The following POLK variants were observed in gnomAD, a reference collection of about 807,000 sequenced individuals.
The protein encoded by POLK is polymerase (DNA directed) kappa.
A neutral mutation model predicts 94.0 loss-of-function variants in POLK; 76 were observed. That is an observed-to-expected ratio of 0.81 (90% confidence interval 0.67 to 0.98). POLK has a LOEUF of 0.98. Among genes scored for constraint, POLK ranks in the 50% least tolerant of loss-of-function variants. The pLI is 0.00. For synonymous variants in POLK, 349 were observed against 325.4 expected (o/e 1.07, Z -0.78); for missense variants, 954 against 1,010.1 (o/e 0.94, Z 0.75).
intron 1 of POLK, among the ~76,000 whole-genome samples, chr5:75,514,864 CAA>C (rs779555957): frequency 7.7e-6 from 1 of 130,048 alleles, no homozygotes. Flanking sequence ...GACCCTGTCT[CAA>C]AAAAAAAAAA....
chr5:75,567,404 C>G (rs1007224750), intron 3 of POLK, among the ~76,000 whole-genome samples: 5 of 152,018 alleles, frequency 3.3e-5, no homozygotes, highest in African/African-American at 1.2e-4. Flanking sequence ...AATTGAGGTA[C>G]TAAAAGAAGT....
At chr5:75,594,881 A>C (rs931121590) in intron 12 of POLK, among the ~76,000 whole-genome samples, 1 of 152,240 alleles carries the variant, frequency 6.6e-6, no homozygotes, top group Non-Finnish European at 1.5e-5. Flanking sequence ...TTTTACTAGT[A>C]AGGAGTGGGT....
At chr5:75,520,292 C>A (rs942281058) in intron 1 of POLK, among the ~76,000 whole-genome samples, 2 of 152,120 alleles carry the variant, frequency 1.3e-5, no homozygotes, top group Middle Eastern at 6.3e-3. Context: ...ACAAGTTTGT[C>A]TTTTAGACTT....
At chr5:75,602,806 T>C (rs568969349), downstream of POLK, among the ~76,000 whole-genome samples, 20 of 152,358 alleles carry the variant, frequency 1.3e-4, no homozygotes, top group Admixed American at 9.8e-4. Flanking sequence ...CCCTGTAATA[T>C]AGAGCTATAC....
At chr5:75,559,629 T>G (rs923041983) in intron 3 of POLK, among the ~76,000 whole-genome samples, 13 of 146,120 alleles carry the variant, frequency 8.9e-5, no homozygotes, top group Non-Finnish European at 1.2e-4. Flanking sequence ...CTCCAACTAC[T>G]GGGCTCAAAC....
At chr5:75,553,648 G>A (rs932882311) in intron 3 of POLK, among the ~76,000 whole-genome samples, 3 of 151,962 alleles carry the variant, frequency 2.0e-5, no homozygotes, top group Non-Finnish European at 2.9e-5. Flanking sequence ...TATTTCATAC[G>A]CAACCCTGTG....
At chr5:75,585,329 G>A (rs574563976) in intron 9 of POLK, among the ~76,000 whole-genome samples, 6 of 152,216 alleles carry the variant, frequency 3.9e-5, no homozygotes, top group African/African-American at 1.2e-4. Context: ...TTTCTTTTCC[G>A]GATTCATTCA....
intron 1 of POLK, among the ~76,000 whole-genome samples, chr5:75,527,132 T>G (rs1768899234): frequency 6.6e-6 from 1 of 152,156 alleles, no homozygotes; most frequent in Non-Finnish European, 1.5e-5. Flanking sequence ...CATAAAAAAG[T>G]CTCCAAGGAG....
intron 5 of POLK, among the ~76,000 whole-genome samples, chr5:75,575,409 G>A (rs1343512866): frequency 6.6e-6 from 1 of 152,116 alleles, no homozygotes; most frequent in Non-Finnish European, 1.5e-5. Flanking sequence ...TTAAACTCCT[G>A]GCCTCAAAAA....
At chr5:75,528,020 A>C (rs948033603) in intron 1 of POLK, among the ~76,000 whole-genome samples, 2 of 152,186 alleles carry the variant, frequency 1.3e-5, no homozygotes, top group Admixed American at 1.3e-4. Context: ...TTGAAGCAAG[A>C]AGTTAAAAGT....
intron 3 of POLK, chr5:75,568,737 A>G (rs928192967): frequency 2.6e-5 from 11 of 425,666 alleles, no homozygotes; most frequent in African/African-American, 1.2e-4. Context: ...ACATTATGCT[A>G]CAGTATCTTC....
intron 4 of POLK, among the ~76,000 whole-genome samples, chr5:75,571,544 G>A (rs1771600274): frequency 6.6e-6 from 1 of 152,160 alleles, no homozygotes; most frequent in African/African-American, 2.4e-5. Flanking sequence ...AAAAATCCAA[G>A]GTGGCTTCAT....
downstream of POLK, among the ~76,000 whole-genome samples, chr5:75,603,005 G>C (rs183053036): frequency 1.1e-4 from 17 of 152,322 alleles, no homozygotes; most frequent in African/African-American, 3.6e-4. Flanking sequence ...ATGGGTAATG[G>C]AAGCCATATA....
intron 1 of POLK, among the ~76,000 whole-genome samples, chr5:75,546,048 C>T (rs894512396): frequency 1.3e-5 from 2 of 152,102 alleles, no homozygotes; most frequent in African/African-American, 4.8e-5. Flanking sequence ...TACAGATGAC[C>T]TTTGAACACC....
In POLK at chr5:75,523,739, G is replaced by A. The variant is rs75144499; in HGVS notation, c.-14+11825G>A. 2.1e-3 allele frequency among the ~76,000 whole-genome samples: 326 copies of A among 152,276 alleles called. 1 individual carries two copies. The highest frequency in any genetic ancestry group is 7.4e-3 in the African/African-American group (308 of 41,552). On this transcript the variant is annotated intron_variant, in intron 1 of 14. Coordinates refer to ENST00000241436, the Ensembl canonical transcript of POLK. ...TTGTTGGTTTGTTTTTCACTTGAGA[G>A]TGTTTTTAAACTAGAAAACAATTTA... is the stretch of plus-strand genomic sequence containing the variant.
At chr5:75,602,066 G>T (rs887020193), downstream of POLK, among the ~76,000 whole-genome samples, 2 of 152,124 alleles carry the variant, frequency 1.3e-5, no homozygotes, top group African/African-American at 4.8e-5. Flanking sequence ...GCTTCCTGGT[G>T]CCTCTTCCTT....
intron 4 of POLK, among the ~76,000 whole-genome samples, chr5:75,573,189 AATG>A (rs1561386516): frequency 9.2e-5 from 14 of 152,204 alleles, no homozygotes. Flanking sequence ...AGCCATAAAA[AATG>A]ATGAGTTCAT....
At chr5:75,604,981 A>G (rs966853633), downstream of POLK, among the ~76,000 whole-genome samples, 10 of 152,186 alleles carry the variant, frequency 6.6e-5, no homozygotes. Flanking sequence ...GGTAATTGTG[A>G]TAGTCTTACT....
At chr5:75,609,075 C>T in the POLK span, 2 of 152,080 alleles carry the variant, frequency 1.3e-5, no homozygotes, top group Non-Finnish European at 2.9e-5. Context: ...TTTGTCTCAT[C>T]TGTTAGAGTA....
Sources: allele counts gnomAD v4.1 joint callset (sites outside exome capture counted in the v4.1 genomes callset), GRCh38; gene constraint gnomAD v4.1.1; transcripts MANE v1.5; gene names NCBI Gene and HGNC (gene_info 2026-07-23, HGNC 2026-07-21).